ADI1: variants seen among roughly 807,000 people sequenced by gnomAD.
ADI1 encodes acireductone dioxygenase.
A neutral mutation model predicts 18.7 loss-of-function variants in ADI1; 21 were observed. The observed-to-expected ratio is 1.13, with a 90% CI of 0.80 to 1.62. The LOEUF (loss-of-function observed/expected upper bound fraction) is 1.62, where lower values mean the gene tolerates loss of function less well. Ranked by LOEUF, ADI1 falls within the 40% of genes most tolerant of loss-of-function variation. The pLI, the probability that ADI1 is intolerant of heterozygous loss-of-function variation, is 0.00. For missense variants in ADI1, 245 were observed against 254.9 expected (o/e 0.96, Z 0.26); for synonymous variants, 90 against 100.1 (o/e 0.90, Z 0.60).
At chr2:3,518,934 T>C (rs1403752066) in intron 1 of ADI1, among the ~76,000 whole-genome samples, 3 of 151,798 alleles carry the variant, frequency 2.0e-5, no homozygotes, top group Non-Finnish European at 2.9e-5. Flanking sequence ...TCGCCAACTC[T>C]GCTGCTGAGC....
At chr2:3,500,614 C>T (rs1388155239) in intron 3 of ADI1, 200 bp downstream of exon 3, 6 of 698,874 alleles carry the variant, frequency 8.6e-6, no homozygotes, top group African/African-American at 3.6e-5. Context: ...GCAGGGGCCA[C>T]GGAGGCTGCC....
chr2:3,507,015 A>G (rs1251813266), intron 2 of ADI1, among the ~76,000 whole-genome samples: 6 of 152,120 alleles, frequency 3.9e-5, no homozygotes, highest in Admixed American at 2.0e-4. Flanking sequence ...TACTTTTTCC[A>G]TAGAGCCCTT....
intron 2 of ADI1, 80 bp from the exon 3 acceptor site, chr2:3,501,073 C>A: frequency 1.5e-6 from 2 of 1,347,524 alleles, no homozygotes; most frequent in South Asian, 1.5e-5. Flanking sequence ...GCAGCCTGAG[C>A]CTTTGGTGGG....
rs999744493 is a variant in ADI1 at position 3,503,383 on chromosome 2, G to C, written c.241-2390C>G. 3.1e-5 allele frequency among the ~76,000 whole-genome samples: 4 copies of C among 127,220 alleles called. 1 individual carries two copies. The East Asian group carries it at 9.1e-4, about 29-fold the overall frequency. The allele number at this position is 127,220 out of a possible 152,430, so 83.5% of individuals were successfully genotyped here. A position where few individuals can be genotyped will look rare whatever the true frequency, so the allele number is the denominator to read the frequency against. ...TTCACACACATGCACACATACACAC[G>C]TACTCACACGCACATTCACACACAT... On this transcript the variant is annotated intron_variant, in intron 2 of 3. Transcript: ENST00000327435.
chr2:3,517,604 A>T (rs1667437749), intron 1 of ADI1: 1 of 152,218 alleles, frequency 6.6e-6, no homozygotes. Flanking sequence ...TGTCTCTACT[A>T]AAAATACAAA....
Position 3,518,317 on chromosome 2 carries a change from T to G in ADI1, c.120+1051A>C, listed in dbSNP as rs531061562. 2.0e-5 allele frequency among the ~76,000 whole-genome samples: 3 copies of G among 152,304 alleles called. No individual in the cohort carries two copies. The East Asian group carries it at 5.8e-4, about 29-fold the overall frequency. On this transcript the variant is annotated intron_variant, in intron 1 of 3. Transcript: ENST00000327435. ...TATAATCCTTTCCCAAGGGAAAAAG[T>G]GTGGTGTCCAGGTAACCCTGTGTAT...
chr2:3,506,791 C>G (rs974496662), intron 2 of ADI1, among the ~76,000 whole-genome samples: 8 of 152,194 alleles, frequency 5.3e-5, no homozygotes, highest in African/African-American at 7.2e-5. Context: ...GACTTCAAGA[C>G]TTACTATCAT....
intron 3 of ADI1, chr2:3,500,502 G>GAT: frequency 7.1e-6 from 2 of 283,608 alleles, no homozygotes; most frequent in East Asian, 6.3e-5. Context: ...GGCTGGGGCA[G>GAT]GGCCAGGCTC....
intron 1 of ADI1, chr2:3,516,184 C>T (rs1482080065): frequency 4.2e-5 from 19 of 450,212 alleles, no homozygotes; most frequent in Non-Finnish European, 5.6e-5. Context: ...GATTAGTGGC[C>T]TTGTAAGAGA....
intron 2 of ADI1, among the ~76,000 whole-genome samples, chr2:3,510,164 A>T (rs1179153649): frequency 1.3e-5 from 2 of 151,492 alleles, no homozygotes; most frequent in Non-Finnish European, 2.9e-5. Context: ...AAAAAAAAAA[A>T]ATTAGCCTGG....
intron 2 of ADI1, among the ~76,000 whole-genome samples, chr2:3,501,654 A>C (rs1667013767): frequency 6.6e-6 from 1 of 151,656 alleles, no homozygotes; most frequent in African/African-American, 2.4e-5. Context: ...GTGCCTCCCA[A>C]GTAGCTGGGA....
rs33977448 is a variant in ADI1, at chr2:3,508,334, C to CA, written c.240+5522dup. Among the ~76,000 whole-genome samples, 243 of 26,900 alleles carry CA rather than the reference C, an allele frequency of 9.0e-3. 46 individuals carry two copies. The highest frequency in any genetic ancestry group is 0.013 in the Non-Finnish European group (132 of 10,102). 17.6% of individuals were successfully genotyped at this position (26,900 alleles called of 152,430 possible). On this transcript the variant is annotated intron_variant, in intron 2 of 3. Transcript: ENST00000327435. ...TGGGCAACAGAGTGAGACTCTGTCT[C>CA]AAAAAAAAAAAAAAAAAAAAAAAAA... is the stretch of plus-strand genomic sequence containing the variant.
intron 1 of ADI1, among the ~76,000 whole-genome samples, chr2:3,518,713 T>C (rs1053401243): frequency 6.6e-6 from 1 of 152,070 alleles, no homozygotes; most frequent in Non-Finnish European, 1.5e-5. Context: ...CAGGACACTT[T>C]CAAGCGGAGT....
At chr2:3,515,463 TTATTTAAGA>T (rs1488419661) in intron 1 of ADI1, 3 of 106,754 alleles carry the variant, frequency 2.8e-5, no homozygotes, top group Admixed American at 1.0e-4. Flanking sequence ...CTGTTTTCTG[TTATTTAAGA>T]TGTTTATCAA....
intron 3 of ADI1, chr2:3,500,600 G>A (rs1417738875): frequency 1.1e-5 from 7 of 648,922 alleles, no homozygotes; most frequent in Middle Eastern, 2.5e-4. Context: ...CACCAGGATC[G>A]CAGGCAGGGG....
At chr2:3,513,265 CTT>C (rs1320003549) in intron 2 of ADI1, among the ~76,000 whole-genome samples, 1 of 152,136 alleles carries the variant, frequency 6.6e-6, no homozygotes, top group Non-Finnish European at 1.5e-5. Context: ...GAAGTTAAGA[CTT>C]TGGGGGACTA....
intron 1 of ADI1, chr2:3,515,054 G>A: frequency 2.0e-6 from 1 of 497,564 alleles, no homozygotes; most frequent in Middle Eastern, 5.9e-4. Flanking sequence ...TGTAAAACAT[G>A]TGTGTTTGAA....
intron 1 of ADI1, chr2:3,517,825 T>G (rs1667443058): frequency 6.6e-6 from 1 of 152,028 alleles, no homozygotes; most frequent in South Asian, 2.1e-4. Context: ...ATGATTTAAT[T>G]TTGATAGCCC....
chr2:3,511,829 A>C (rs1026987238), intron 2 of ADI1, among the ~76,000 whole-genome samples: 1 of 152,234 alleles, frequency 6.6e-6, no homozygotes, highest in African/African-American at 2.4e-5. Context: ...AGTCCAGGCT[A>C]ATGAGGTCTC....
Sources: allele counts gnomAD v4.1 joint callset (sites outside exome capture counted in the v4.1 genomes callset), GRCh38; gene constraint gnomAD v4.1.1; transcripts MANE v1.5; gene names NCBI Gene and HGNC (gene_info 2026-07-23, HGNC 2026-07-21).